SCEL: variants seen among roughly 807,000 people sequenced by gnomAD.
SCEL encodes sciellin.
A neutral mutation model predicts 117.6 loss-of-function variants in SCEL; 113 were observed. That is an observed-to-expected ratio of 0.96 (90% confidence interval 0.83 to 1.12). The LOEUF (loss-of-function observed/expected upper bound fraction) is 1.12, where lower values mean the gene tolerates loss of function less well. Among genes scored for constraint, SCEL ranks in the 50% most tolerant of loss-of-function variants. The pLI is 0.00. For missense variants in SCEL, 785 were observed against 810.8 expected, an observed-to-expected ratio of 0.97 and a Z score of 0.39; for synonymous variants, 270 against 256.2, an observed-to-expected ratio of 1.05 and a Z score of -0.51.
chr13:77,599,758 T>C lies in SCEL; in HGVS notation c.917+10T>C. The stretch of plus-strand genomic sequence containing the variant: ...ATAAAGATGGCAAAGGGTAAGATTT[T>C]ATTAAGACAGACCATTTTGATTGAG... On this transcript the variant is annotated intron_variant, in intron 15 of 32. Transcript: ENST00000349847. The C allele has an allele frequency of 6.3e-7, 1 of 1,587,054 alleles. No individual in the cohort carries two copies. The highest frequency in any genetic ancestry group is 8.7e-7 in the Non-Finnish European group (1 of 1,155,440).
At chr13:77,603,158 A>G in intron 18 of SCEL, 23 bp downstream of exon 18, 1 of 1,417,194 alleles carries the variant, frequency 7.1e-7, no homozygotes. Context: ...AATGTCTTTA[A>G]TTATGGTTTC....
intron 1 of SCEL, among the ~76,000 whole-genome samples, chr13:77,550,588 G>T (rs988236943): frequency 6.6e-6 from 1 of 151,938 alleles, no homozygotes; most frequent in Non-Finnish European, 1.5e-5. Flanking sequence ...TGACTGTTCT[G>T]TACATTTCAT....
At chr13:77,545,650 T>C (rs1462784327) in intron 1 of SCEL, among the ~76,000 whole-genome samples, 7 of 152,192 alleles carry the variant, frequency 4.6e-5, no homozygotes, top group Non-Finnish European at 1.0e-4. Context: ...AGGCTTTACA[T>C]GGAAGCTTCT....
At chr13:77,618,893 G>GT (rs1293041897) in intron 27 of SCEL, among the ~76,000 whole-genome samples, 1 of 152,152 alleles carries the variant, frequency 6.6e-6, no homozygotes, top group Non-Finnish European at 1.5e-5. Context: ...TCCACAGCTA[G>GT]TGTGGGCCCA....
intron 8 of SCEL, among the ~76,000 whole-genome samples, chr13:77,570,139 G>A (rs2085512935): frequency 6.6e-6 from 1 of 152,206 alleles, no homozygotes. Context: ...TTCCCTGTCT[G>A]TACCTGGGTC....
intron 28 of SCEL, among the ~76,000 whole-genome samples, chr13:77,628,211 A>G (rs1451322289): frequency 6.6e-6 from 1 of 150,376 alleles, no homozygotes; most frequent in African/African-American, 2.4e-5. Flanking sequence ...ACAAAAATTT[A>G]CAAGGTGCTT....
intron 27 of SCEL, among the ~76,000 whole-genome samples, chr13:77,622,620 G>C (rs1267497506): frequency 1.3e-5 from 2 of 152,162 alleles, no homozygotes; most frequent in African/African-American, 4.8e-5. Context: ...CTGGTACTTT[G>C]GGAGGCTGAG....
Position 77,603,061 on chromosome 13 carries a change from C to CT in SCEL, c.1038-5dup, listed in dbSNP as rs376130527. 5.1e-3 allele frequency: 6,748 copies of CT among 1,312,496 alleles called. No individual in the cohort carries two copies. Among genetic ancestry groups the CT allele is most frequent in the South Asian group, 7.1e-3 (497 of 69,648 alleles). 81.3% of individuals were successfully genotyped at this position (1,312,496 alleles called of 1,614,324 possible). ...GGGAATGTTTTGAAACTGATATAAACTTTTTTTTTTAAAGAAGTGAAGACC... is the reference window on the plus strand; with the variant it reads ...GGGAATGTTTTGAAACTGATATAAACTTTTTTTTTTTAAAGAAGTGAAGACC... On this transcript the variant is annotated splice_polypyrimidine_tract_variant and intron_variant, in intron 17 of 32. Transcript: ENST00000349847.
chr13:77,632,230 A>C (rs1237216677), intron 28 of SCEL, among the ~76,000 whole-genome samples: 1 of 152,228 alleles, frequency 6.6e-6, no homozygotes, highest in East Asian at 1.9e-4. Flanking sequence ...CAAATCACTT[A>C]TCTCTCCTGT....
At chr13:77,633,442 CAAAAAAAAA>C (rs59939208) in intron 28 of SCEL, among the ~76,000 whole-genome samples, 3 of 30,022 alleles carry the variant, frequency 1.0e-4, no homozygotes, top group East Asian at 2.3e-3. Flanking sequence ...GACTCCGCCT[CAAAAAAAAA>C]AAAAAAAAAA....
chr13:77,535,988 T>C (rs1306622039), intron 1 of SCEL, among the ~76,000 whole-genome samples, 164 bp downstream of exon 1: 1 of 152,198 alleles, frequency 6.6e-6, no homozygotes, highest in Non-Finnish European at 1.5e-5. Context: ...TGCTCTTCCT[T>C]GCTGTACTTT....
chr13:77,593,634 A>G, intron 12 of SCEL, 61 bp downstream of exon 12: 5 of 1,243,540 alleles, frequency 4.0e-6, no homozygotes, highest in Non-Finnish European at 5.9e-6. Context: ...AAAATGCTTA[A>G]CCACACCTTT....
intron 17 of SCEL, 35 bp downstream of exon 17, chr13:77,602,748 A>G: frequency 6.4e-7 from 1 of 1,560,586 alleles, no homozygotes; most frequent in South Asian, 1.1e-5. Flanking sequence ...AATATTGGTT[A>G]TTTTCTCTCA....
chr13:77,627,960 G>A lies in SCEL; in HGVS notation c.1642G>A (p.Glu548Lys), dbSNP rs776379294. The change falls in exon 28 of 33, where the codon GAA (glutamate) becomes AAA (lysine). Residue 548 changes from glutamate to lysine, a missense_variant. Glu to Lys is a moderately conservative substitution (Grantham distance 56). Transcript: ENST00000349847. ...LRNTNRDQNL[E>K]NLIEVNSHVS... ...TTTTTTCCTTAGAGACCAGAACCTG[G>A]AAAATTTAATTGAAGTAAATTCTCA... The A allele has an allele frequency of 2.0e-6, 3 of 1,472,504 alleles. No homozygotes were observed. The highest frequency in any genetic ancestry group is 2.3e-5 in the East Asian group (1 of 42,936). The allele number at this position is 1,472,504 out of a possible 1,614,324, so 91.2% of individuals were successfully genotyped here.
chr13:77,551,175 G>A (rs921513426), intron 1 of SCEL, among the ~76,000 whole-genome samples: 9 of 152,210 alleles, frequency 5.9e-5, no homozygotes, highest in Admixed American at 2.6e-4. Flanking sequence ...AGCTCCGGTA[G>A]TCTCATCTGG....
chr13:77,588,035 C>T (rs900751265), intron 9 of SCEL, among the ~76,000 whole-genome samples: 4 of 152,128 alleles, frequency 2.6e-5, no homozygotes, highest in Non-Finnish European at 5.9e-5. Context: ...ATAATCTTCC[C>T]ATTCCATCAG....
chr13:77,543,297 A>G (rs1228741908), intron 1 of SCEL, among the ~76,000 whole-genome samples: 1 of 151,140 alleles, frequency 6.6e-6, no homozygotes, highest in African/African-American at 2.4e-5. Context: ...TTTAGCCGGG[A>G]TGGTCTCGAT....
At chr13:77,634,827 A>G (rs1408485618) in intron 29 of SCEL, among the ~76,000 whole-genome samples, 1 of 152,200 alleles carries the variant, frequency 6.6e-6, no homozygotes, top group Non-Finnish European at 1.5e-5. Flanking sequence ...ACTTTTGTTT[A>G]CTGCCAATCT....
chr13:77,569,955 G>A (rs1368304950), intron 8 of SCEL, among the ~76,000 whole-genome samples: 3 of 152,182 alleles, frequency 2.0e-5, no homozygotes, highest in Non-Finnish European at 4.4e-5. Context: ...TGAGTCCTAT[G>A]TAATTAGCAG....
Sources: allele counts gnomAD v4.1 joint callset (sites outside exome capture counted in the v4.1 genomes callset), GRCh38; gene constraint gnomAD v4.1.1; transcripts MANE v1.5; gene names NCBI Gene and HGNC (gene_info 2026-07-23, HGNC 2026-07-21).